The following LMO7 variants were observed in gnomAD, a reference collection of about 807,000 sequenced individuals.
LMO7 encodes LIM domain only protein 7.
A neutral mutation model predicts 206.5 loss-of-function variants in LMO7; 120 were observed. The ratio of observed to expected loss-of-function variants is 0.58; its 90% confidence interval spans 0.50 to 0.68. The LOEUF is 0.68. Among genes scored for constraint, LMO7 ranks in the 30% least tolerant of loss-of-function variants. The pLI is 0.00. For synonymous variants in LMO7, 706 were observed against 681.5 expected, an observed-to-expected ratio of 1.04 and a Z score of -0.56; for missense variants, 1,959 against 1,957.9, an observed-to-expected ratio of 1.00 and a Z score of -0.01.
chr13:75,655,923 C>G (rs1325497828), intron 1 of LMO7, among the ~76,000 whole-genome samples: 1 of 152,066 alleles, frequency 6.6e-6, no homozygotes, highest in Non-Finnish European at 1.5e-5. Context: ...GTAATGGCAG[C>G]ACAGTGGTTT....
chr13:75,755,527 G>T (rs1300307474), intron 3 of LMO7, among the ~76,000 whole-genome samples: 1 of 151,920 alleles, frequency 6.6e-6, no homozygotes, highest in Non-Finnish European at 1.5e-5. Context: ...TTGCTATCAG[G>T]GCAAGGAGGG....
chr13:75,712,119 G>A (rs1019470000), intron 1 of LMO7, among the ~76,000 whole-genome samples: 1 of 152,192 alleles, frequency 6.6e-6, no homozygotes, highest in East Asian at 1.9e-4. Flanking sequence ...GATTCTAGGG[G>A]GACCGTGAAG....
chr13:75,736,430 T>C (rs2045826224), intron 3 of LMO7, among the ~76,000 whole-genome samples: 1 of 152,228 alleles, frequency 6.6e-6, no homozygotes, highest in African/African-American at 2.4e-5. Flanking sequence ...AGCAGATGCC[T>C]GGAAGGGTTG....
At chr13:75,779,638 AGTGCATGTGC>A (rs1010800653) in intron 4 of LMO7, among the ~76,000 whole-genome samples, 1 of 152,220 alleles carries the variant, frequency 6.6e-6, no homozygotes, top group Non-Finnish European at 1.5e-5. Context: ...CTAAATAGGA[AGTGCATGTGC>A]GTGCATGTGC....
At position 75,731,161 on chromosome 13, in the gene LMO7, C is replaced by T. The variant is rs920589660; in HGVS notation, c.210+4063C>T. Reference sequence around the variant, plus strand: ...CTATTAGGTCCGCCTGGTGCAGAGCCGAGTTCAATTCCTGGGTATCCTTGT... The same window carrying T: ...CTATTAGGTCCGCCTGGTGCAGAGCTGAGTTCAATTCCTGGGTATCCTTGT... On this transcript the variant is annotated intron_variant, in intron 3 of 30. Transcript: ENST00000377534. Among the ~76,000 whole-genome samples the T allele has an allele frequency of 2.9e-4, 44 of 152,066 alleles. 1 individual carries two copies. The highest frequency in any genetic ancestry group is 4.3e-4 in the African/African-American group (18 of 41,494).
chr13:75,792,686 C>T (rs1162815542), intron 4 of LMO7, among the ~76,000 whole-genome samples: 2 of 152,162 alleles, frequency 1.3e-5, no homozygotes, highest in African/African-American at 4.8e-5. Flanking sequence ...TTACCGACTT[C>T]CATGCAGTGG....
At chr13:75,671,274 A>G (rs1488514900) in intron 1 of LMO7, among the ~76,000 whole-genome samples, 1 of 151,898 alleles carries the variant, frequency 6.6e-6, no homozygotes, top group East Asian at 1.9e-4. Flanking sequence ...AACTATTATC[A>G]TTATCAAATA....
At chr13:75,781,355 C>T (rs1015726176) in intron 4 of LMO7, among the ~76,000 whole-genome samples, 2 of 136,804 alleles carry the variant, frequency 1.5e-5, no homozygotes, top group East Asian at 2.2e-4. Context: ...TCAATTCCCA[C>T]CTATGAGTGA....
chr13:75,759,191 C>T (rs1045663765), intron 3 of LMO7, among the ~76,000 whole-genome samples: 5 of 152,144 alleles, frequency 3.3e-5, no homozygotes, highest in Admixed American at 6.5e-5. Context: ...ATGATCCAAT[C>T]GCCTCTCTCC....
Position 75,845,308 on chromosome 13 carries a change from A to G in LMO7, c.4098-19A>G, listed in dbSNP as rs60090614. 1.9e-3 allele frequency: 2,548 copies of G among 1,338,604 alleles called. 25 individuals are homozygous for G. In the African/African-American group the frequency reaches 0.029, roughly 15 times the overall value. 82.9% of individuals were successfully genotyped at this position (1,338,604 alleles called of 1,614,324 possible). Reference sequence around the variant, plus strand: ...TTATTTAATGAGACATATTTAATATATTGTGTTCTGTGTTTTAGGAATAAA... The same window carrying G: ...TTATTTAATGAGACATATTTAATATGTTGTGTTCTGTGTTTTAGGAATAAA... On this transcript the variant is annotated intron_variant, in intron 25 of 30. Transcript: ENST00000377534.
intron 1 of LMO7, among the ~76,000 whole-genome samples, chr13:75,705,178 GCTT>G (rs1379710724): frequency 6.6e-6 from 1 of 152,206 alleles, no homozygotes; most frequent in Non-Finnish European, 1.5e-5. Flanking sequence ...TCGCTTCCTA[GCTT>G]CTTTGCCACA....
intron 28 of LMO7, among the ~76,000 whole-genome samples, chr13:75,854,568 G>A (rs2060766253): frequency 6.6e-6 from 1 of 152,106 alleles, no homozygotes; most frequent in Non-Finnish European, 1.5e-5. Context: ...TGCTGTGGGG[G>A]TGCAGAGATG....
At chr13:75,654,902 G>A (rs1361271764) in intron 1 of LMO7, among the ~76,000 whole-genome samples, 1 of 120,534 alleles carries the variant, frequency 8.3e-6, no homozygotes, top group Non-Finnish European at 1.7e-5. Context: ...CAAAATCTTC[G>A]CTCTTGTTGC....
chr13:75,697,945 A>T (rs2042016727), intron 1 of LMO7, among the ~76,000 whole-genome samples: 1 of 152,222 alleles, frequency 6.6e-6, no homozygotes, highest in African/African-American at 2.4e-5. Context: ...TTTCTCCACA[A>T]TTCTGCCATT....
chr13:75,654,624 ATC>A (rs1199508152), intron 1 of LMO7, among the ~76,000 whole-genome samples: 2 of 152,128 alleles, frequency 1.3e-5, no homozygotes, highest in Non-Finnish European at 2.9e-5. Context: ...TTTCCTCTGC[ATC>A]TCTCTTTCCC....
chr13:75,817,166 A>G lies in LMO7; in HGVS notation c.1952A>G (p.Lys651Arg). The change falls in exon 12 of 31, where the codon AAG becomes AGG. Residue 651 changes from lysine (K) to arginine (R), a missense_variant. Lys to Arg is a conservative substitution (Grantham distance 26). Coordinates refer to ENST00000377534, the MANE Select transcript of LMO7 (RefSeq NM_001306080.2). ...CATGAGTCTTTTTGTTGTAGGAGTA[A>G]GTCCATGAGTGATGTCAGCGCAGAA... ...FQKIYGENGS[K>R]SMSDVSAEDV... 6.2e-7 allele frequency: 1 copy of G among 1,609,514 alleles called. No individual in the cohort carries two copies. Among genetic ancestry groups the G allele is most frequent in the Admixed American group, 1.7e-5 (1 of 59,810 alleles).
At position 75,853,075 on chromosome 13, in the gene LMO7, T is replaced by A; in HGVS notation, c.4365-17T>A. The A allele has an allele frequency of 6.4e-7, 1 of 1,569,676 alleles. No homozygotes were observed. The highest frequency in any genetic ancestry group is 8.7e-7 in the Non-Finnish European group (1 of 1,155,536). On this transcript the variant is annotated splice_polypyrimidine_tract_variant and intron_variant, in intron 27 of 30. Coordinates refer to ENST00000377534, the MANE Select transcript of LMO7 (RefSeq NM_001306080.2). ...GAACATGTCACATTATTTTGATGAGTCTTTTTTGTGTTTCAGAGGCGAATC... is the reference window on the plus strand; with the variant it reads ...GAACATGTCACATTATTTTGATGAGACTTTTTTGTGTTTCAGAGGCGAATC...
Position 75,858,643 on chromosome 13 carries a change from A to G in LMO7, c.*700A>G, listed in dbSNP as rs189063997. ...AGAAACTGGTGAGCCTTTCTGTTCAATTGCATTTGTAAATAAACTTGCTGA... is the reference window on the plus strand; with the variant it reads ...AGAAACTGGTGAGCCTTTCTGTTCAGTTGCATTTGTAAATAAACTTGCTGA... On this transcript the variant is annotated 3_prime_UTR_variant, in exon 31 of 31. Coordinates refer to ENST00000377534, the MANE Select transcript of LMO7 (RefSeq NM_001306080.2). 9.2e-5 allele frequency: 14 copies of G among 152,756 alleles called. No homozygotes were observed. The highest frequency in any genetic ancestry group is 6.5e-4 in the Admixed American group (10 of 15,308). 9.5% of individuals were successfully genotyped at this position (152,756 alleles called of 1,614,324 possible).
chr13:75,835,032 C>T (rs1258156047), intron 17 of LMO7: 7 of 524,238 alleles, frequency 1.3e-5, no homozygotes, highest in Non-Finnish European at 2.1e-5. Flanking sequence ...ATTTCACACG[C>T]TGCCTGATTT....
Sources: allele counts gnomAD v4.1 joint callset (sites outside exome capture counted in the v4.1 genomes callset), GRCh38; gene constraint gnomAD v4.1.1; transcripts MANE v1.5; gene names NCBI Gene and HGNC (gene_info 2026-07-23, HGNC 2026-07-21).